The following ABCA8 variants were observed in gnomAD, a reference collection of about 807,000 sequenced individuals.
The protein encoded by ABCA8 is ATP binding cassette subfamily A member 8.
ABCA8 carries 177 observed loss-of-function variants against 192.3 expected under a neutral mutation model. That is an observed-to-expected ratio of 0.92 (90% confidence interval 0.81 to 1.04). ABCA8 has a LOEUF of 1.04. Among genes scored for constraint, ABCA8 ranks in the 50% least tolerant of loss-of-function variants. ABCA8 has a pLI of 0.00. For missense variants in ABCA8, 1,915 were observed against 1,904.8 expected (o/e 1.01, Z -0.10); for synonymous variants, 642 against 690.2 (o/e 0.93, Z 1.09).
intron 11 of ABCA8, among the ~76,000 whole-genome samples, chr17:68,923,584 G>A (rs531831975): frequency 7.9e-5 from 12 of 152,260 alleles, no homozygotes; most frequent in African/African-American, 1.9e-4. Flanking sequence ...GTGTTAAAGC[G>A]ATCAAAGAGG....
At chr17:68,880,912 A>G in intron 32 of ABCA8, 3 of 563,100 alleles carry the variant, frequency 5.3e-6, no homozygotes, top group Non-Finnish European at 9.4e-6. Context: ...TTGACTGGAA[A>G]AGCGACACCC....
chr17:68,881,952 C>G lies in ABCA8; in HGVS notation c.3857G>C (p.Arg1286Pro). The G allele has an allele frequency of 6.2e-7, 1 of 1,614,018 alleles. No homozygotes were observed. The highest frequency in any genetic ancestry group is 2.2e-5 in the East Asian group (1 of 44,882). Residue 1286 changes from arginine to proline, a missense_variant, in exon 31 of 40, where the codon CGC (arginine) becomes CCC (proline). Coordinates refer to ENST00000586539, the MANE Select transcript of ABCA8 (RefSeq NM_001288985.2). ...TTTCCTCTTCCCTGCATACTCCTTG[C>G]GTAGACAGCTGGCAATGATGACTGG... ...EKPVIIASCL[R>P]KEYAGKRKGC...
intron 6 of ABCA8, 90 bp from the exon 7 acceptor site, chr17:68,932,604 T>G (rs2067934704): frequency 1.1e-6 from 1 of 948,276 alleles, no homozygotes; most frequent in Non-Finnish European, 1.6e-6. Context: ...GGATGTATGA[T>G]TGGCCTATTG....
chr17:68,870,249 T>C (rs1303655383), intron 37 of ABCA8, among the ~76,000 whole-genome samples: 2 of 152,154 alleles, frequency 1.3e-5, no homozygotes, highest in Non-Finnish European at 2.9e-5. Context: ...ATCTCGAAAA[T>C]TGCTGCAGCC....
Position 68,919,303 on chromosome 17 carries a change from C to G in ABCA8, c.1786G>C (p.Glu596Gln). ...KGILPQEVDK[E>Q]IQRVLLELEM... ...TTAACTTTAACATATTTTTGTACCT[C>G]TTTATCCACTTCTTGTGGCAGAATC... Residue 596 changes from glutamate to glutamine, a missense_variant and splice_region_variant, in exon 14 of 40, where the codon GAG becomes CAG. By Grantham distance (29) the Glu-to-Gln change is conservative. Transcript: ENST00000586539. 1 of 1,608,170 alleles carries G rather than the reference C, an allele frequency of 6.2e-7. No individual in the cohort carries two copies. Among genetic ancestry groups the G allele is most frequent in the Non-Finnish European group, 8.5e-7 (1 of 1,176,902 alleles).
At chr17:68,947,047 T>A (rs2068431207) in intron 2 of ABCA8, among the ~76,000 whole-genome samples, 1 of 152,210 alleles carries the variant, frequency 6.6e-6, no homozygotes, top group Admixed American at 6.5e-5. Flanking sequence ...ATTCTACAGT[T>A]CAATTTATAT....
At chr17:68,944,770 T>C (rs1263477366) in intron 2 of ABCA8, 2 of 152,000 alleles carry the variant, frequency 1.3e-5, no homozygotes. Context: ...AAGCTTCCAG[T>C]TCCCATTCCC....
chr17:68,873,370 C>G (rs995651101), intron 37 of ABCA8, among the ~76,000 whole-genome samples: 5 of 152,170 alleles, frequency 3.3e-5, no homozygotes, highest in Non-Finnish European at 5.9e-5. Flanking sequence ...GATATTCACA[C>G]AATGATGAAA....
At chr17:68,927,347 C>T (rs957282542) in intron 10 of ABCA8, among the ~76,000 whole-genome samples, 5 of 152,104 alleles carry the variant, frequency 3.3e-5, no homozygotes, top group Admixed American at 6.5e-5. Flanking sequence ...GTGAACAAAA[C>T]GAATCCCTGC....
intron 37 of ABCA8, among the ~76,000 whole-genome samples, chr17:68,871,136 T>C (rs1425388758): frequency 6.6e-6 from 1 of 152,118 alleles, no homozygotes; most frequent in Admixed American, 6.6e-5. Flanking sequence ...AGTTACAGAT[T>C]GAGGGGATAC....
intron 7 of ABCA8, among the ~76,000 whole-genome samples, chr17:68,930,480 C>A (rs4147974): frequency 0.38 from 58,357 of 151,990 alleles, 13,160 homozygotes; most frequent in Non-Finnish European, 0.51. Flanking sequence ...TTACAATATT[C>A]TTTGAAAACT....
intron 18 of ABCA8, 111 bp downstream of exon 18, chr17:68,907,629 A>G (rs2067106418): frequency 1.1e-6 from 1 of 949,074 alleles, no homozygotes; most frequent in African/African-American, 1.7e-5. Context: ...ATTATGTTTC[A>G]GTACCTGAGC....
chr17:68,879,027 T>C (rs1409788468), intron 32 of ABCA8: 11 of 152,228 alleles, frequency 7.2e-5, no homozygotes, highest in Admixed American at 4.6e-4. Context: ...TCTTCTGCCA[T>C]AGAATTTAGG....
chr17:68,875,302 G>A lies in ABCA8; in HGVS notation c.4589C>T (p.Ala1530Val), dbSNP rs148489022. Reference sequence around the variant, plus strand: ...CTGGGGGAAAAGCCTCAGGATCTCTGCATGGAGGGGCTCCACTTGTGCCAG... The same window carrying A: ...CTGGGGGAAAAGCCTCAGGATCTCTACATGGAGGGGCTCCACTTGTGCCAG... ...KNLAQVEPLH[A>V]EILRLFPQAA... The change falls in exon 37 of 40, where the codon GCA becomes GTA. Residue 1530 changes from alanine (A) to valine (V), a missense_variant. Ala to Val is a moderately conservative substitution (Grantham distance 64, BLOSUM62 0). Coordinates refer to ENST00000586539, the MANE Select transcript of ABCA8 (RefSeq NM_001288985.2). 710 of 1,613,932 alleles carry A rather than the reference G, an allele frequency of 4.4e-4. No individual in the cohort carries two copies. Among genetic ancestry groups the A allele is most frequent in the Non-Finnish European group, 5.9e-4 (693 of 1,180,032 alleles).
In ABCA8 at chr17:68,931,541, C is replaced by G. The variant is rs187338579; in HGVS notation, c.797+747G>C. On this transcript the variant is annotated intron_variant, in intron 7 of 39. Coordinates refer to ENST00000586539, the MANE Select transcript of ABCA8 (RefSeq NM_001288985.2). Reference sequence around the variant, plus strand: ...TATGTTTCTTTAAAAGATTATCTTCCTCCTTTCTAAAAAAGTCAATATTAT... The same window carrying G: ...TATGTTTCTTTAAAAGATTATCTTCGTCCTTTCTAAAAAAGTCAATATTAT... Among the ~76,000 whole-genome samples the G allele has an allele frequency of 2.2e-3, 339 of 151,882 alleles. 2 individuals carry two copies. The highest frequency in any genetic ancestry group is 7.8e-3 in the African/African-American group (325 of 41,420).
chr17:68,885,241 T>TA lies in ABCA8; in HGVS notation c.3503dup (p.Leu1168PhefsTer25). On this transcript the variant is annotated frameshift_variant, in exon 27 of 40. Transcript: ENST00000586539. LOFTEE classifies it high-confidence loss of function. ...AGCCAATCATTGTGGCAGGTGGTAT[T>TA]AAAAAAGTGAAGATAAATGGAATAT... 6.2e-7 allele frequency: 1 copy of TA among 1,612,780 alleles called. No individual in the cohort carries two copies. Among genetic ancestry groups the TA allele is most frequent in the Non-Finnish European group, 8.5e-7 (1 of 1,178,960 alleles).
rs765202716 is a variant in ABCA8 at position 68,932,401 on chromosome 17, G to A, written c.684C>T (p.Ser228=). 6 of 1,613,666 alleles carry A rather than the reference G, an allele frequency of 3.7e-6. No individual in the cohort carries two copies. Among genetic ancestry groups the A allele is most frequent in the Non-Finnish European group, 5.1e-6 (6 of 1,179,776 alleles). ...SGVITDLYLF[S]CIISFSSFIY... is the part of the protein sequence containing the mutation. ...TGAATGAGGAAAATGAAATAATGCA[G>A]GAAAAAAGGTACAAATCAGTTATAA... is the stretch of plus-strand genomic sequence containing the variant. The change falls in exon 7 of 40, where the codon TCC becomes TCT. Residue 228 remains serine (S), a synonymous_variant. Transcript: ENST00000586539.
chr17:68,945,155 A>G (rs1324931006), intron 2 of ABCA8, among the ~76,000 whole-genome samples: 2 of 152,180 alleles, frequency 1.3e-5, no homozygotes, highest in African/African-American at 2.4e-5. Context: ...GAACAGGAAC[A>G]CAGAGAAAAC....
chr17:68,902,899 C>A lies in ABCA8; in HGVS notation c.2598-20G>T. The A allele has an allele frequency of 6.3e-7, 1 of 1,597,306 alleles. No individual in the cohort carries two copies. The highest frequency in any genetic ancestry group is 1.1e-5 in the South Asian group (1 of 88,534). ...AATAGCCTACACAAAAGAAAATTGC[C>A]AAAATGAATGCAATGTCATTTCCTG... On this transcript the variant is annotated intron_variant, in intron 20 of 39. Coordinates refer to ENST00000586539, the MANE Select transcript of ABCA8 (RefSeq NM_001288985.2).
Sources: allele counts gnomAD v4.1 joint callset (sites outside exome capture counted in the v4.1 genomes callset), GRCh38; gene constraint gnomAD v4.1.1; transcripts MANE v1.5; gene names NCBI Gene and HGNC (gene_info 2026-07-23, HGNC 2026-07-21).